PHF14: variants seen among roughly 807,000 people sequenced by gnomAD.
The protein encoded by PHF14 is PHD finger protein 14.
A neutral mutation model predicts 117.9 loss-of-function variants in PHF14; 55 were observed. That is an observed-to-expected ratio of 0.47 (90% confidence interval 0.38 to 0.58). The LOEUF is 0.58. Ranked by LOEUF, PHF14 falls within the 20% of genes least tolerant of loss-of-function variation. PHF14 has a pLI of 0.00. For missense variants in PHF14, 978 were observed against 1,122.2 expected (o/e 0.87, Z 1.84); for synonymous variants, 409 against 368.6 (o/e 1.11, Z -1.26).
intron 6 of PHF14, 88 bp from the exon 7 acceptor site, chr7:11,028,593 A>T: frequency 8.5e-7 from 1 of 1,179,394 alleles, no homozygotes; most frequent in Non-Finnish European, 1.2e-6. Context: ...TTAGCATTTT[A>T]AATATTTAGT....
intron 17 of PHF14, among the ~76,000 whole-genome samples, chr7:11,136,970 A>G (rs778413806): frequency 6.6e-6 from 1 of 152,222 alleles, no homozygotes; most frequent in African/African-American, 2.4e-5. Context: ...AATAACCACT[A>G]CTAACATTTC....
intron 17 of PHF14, among the ~76,000 whole-genome samples, chr7:11,161,627 A>G (rs1377226773): frequency 6.6e-6 from 1 of 150,802 alleles, no homozygotes; most frequent in Non-Finnish European, 1.5e-5. Flanking sequence ...ACATTTTTAA[A>G]TATTATTTTT....
intron 17 of PHF14, among the ~76,000 whole-genome samples, chr7:11,161,892 C>G (rs988106735): frequency 6.7e-6 from 1 of 150,292 alleles, no homozygotes; most frequent in Non-Finnish European, 1.5e-5. Flanking sequence ...CTAGCATACA[C>G]TTCATGCGTA....
At chr7:11,116,654 G>C (rs1393166832) in intron 17 of PHF14, among the ~76,000 whole-genome samples, 3 of 151,648 alleles carry the variant, frequency 2.0e-5, no homozygotes, top group African/African-American at 7.3e-5. Context: ...CTTGTCATTT[G>C]ATAACTTTTA....
rs1399901523 is a variant in PHF14, at chr7:11,042,806, C to T, written c.2304C>T (p.Asn768=). Residue 768 remains asparagine, a synonymous_variant, in exon 13 of 18, where the codon AAC becomes AAT. Transcript: ENST00000634607. ...PLTRMPRKTK[N]SYWQCSECDQ... ...CAAGGATGCCAAGAAAGACCAAAAA[C>T]AGTTATTGGTGAGTAAAATAGAGGA... 1.9e-6 allele frequency: 3 copies of T among 1,572,868 alleles called. No homozygotes were observed. In the East Asian group the frequency reaches 6.9e-5, roughly 36 times the overall value.
intron 13 of PHF14, among the ~76,000 whole-genome samples, chr7:11,043,529 A>T (rs1304103602): frequency 6.6e-6 from 1 of 152,110 alleles, no homozygotes; most frequent in East Asian, 1.9e-4. Flanking sequence ...CAAATTTTTA[A>T]ATGGTAATCT....
intron 16 of PHF14, among the ~76,000 whole-genome samples, chr7:11,069,615 C>G (rs1785540897): frequency 7.4e-6 from 1 of 135,576 alleles, no homozygotes; most frequent in African/African-American, 2.8e-5. Flanking sequence ...CCCTCCCTCC[C>G]TCCCTCCCTT....
chr7:11,075,100 G>A lies in PHF14; in HGVS notation c.2654+13015G>A, dbSNP rs560580512. ...CTACAGACACATGCCATCACACCTG[G>A]CTAATTTTTTGTATTTTTAGAAGAG... On this transcript the variant is annotated intron_variant, in intron 16 of 17. Coordinates refer to ENST00000634607, the MANE Select transcript of PHF14 (RefSeq NM_001007157.2). Among the ~76,000 whole-genome samples the A allele has an allele frequency of 2.6e-5, 4 of 152,004 alleles. 1 individual carries two copies. The South Asian group carries it at 8.3e-4, about 32-fold the overall frequency.
At chr7:11,156,821 A>C (rs6953496) in intron 17 of PHF14, among the ~76,000 whole-genome samples, 79,438 of 151,918 alleles carry the variant, frequency 0.52, 22,103 homozygotes, top group East Asian at 0.82. Context: ...AAAAGAAATT[A>C]ACTTTCTACA....
chr7:10,996,537 C>T (rs913650181), intron 4 of PHF14, among the ~76,000 whole-genome samples: 5 of 151,680 alleles, frequency 3.3e-5, no homozygotes, highest in African/African-American at 1.2e-4. Flanking sequence ...GGGAAATCAC[C>T]CTAATTCAAT....
intron 17 of PHF14, among the ~76,000 whole-genome samples, chr7:11,162,695 A>G (rs959247968): frequency 7.0e-6 from 1 of 143,366 alleles, no homozygotes; most frequent in Non-Finnish European, 1.5e-5. Flanking sequence ...TGGGAAATCC[A>G]AAGTCTTTTT....
intron 16 of PHF14, among the ~76,000 whole-genome samples, chr7:11,075,785 T>C (rs915554300): frequency 3.3e-5 from 5 of 152,012 alleles, no homozygotes; most frequent in African/African-American, 1.2e-4. Flanking sequence ...TATTAATATC[T>C]CCTTTGAATT....
intron 16 of PHF14, among the ~76,000 whole-genome samples, chr7:11,097,566 T>G (rs1343758300): frequency 6.6e-6 from 1 of 152,180 alleles, no homozygotes; most frequent in Admixed American, 6.5e-5. Flanking sequence ...TTCAAAAATT[T>G]ACCTGACTTT....
chr7:11,077,412 C>A (rs949454664), intron 16 of PHF14, among the ~76,000 whole-genome samples: 3 of 151,654 alleles, frequency 2.0e-5, no homozygotes, highest in African/African-American at 7.3e-5. Context: ...ACCATCCTGG[C>A]CAACGTGGTA....
At chr7:11,000,653 T>G (rs1782832719) in intron 4 of PHF14, among the ~76,000 whole-genome samples, 1 of 152,208 alleles carries the variant, frequency 6.6e-6, no homozygotes, top group African/African-American at 2.4e-5. Context: ...TTACCTTTTG[T>G]ATATCTTCTT....
intron 4 of PHF14, among the ~76,000 whole-genome samples, chr7:10,991,252 C>G (rs2128310441): frequency 6.6e-6 from 1 of 152,246 alleles, no homozygotes; most frequent in South Asian, 2.1e-4. Flanking sequence ...GCTATCTTAG[C>G]TCACTTCATC....
chr7:11,162,700 C>CTTT (rs5882294), intron 17 of PHF14, among the ~76,000 whole-genome samples: 2 of 127,952 alleles, frequency 1.6e-5, no homozygotes, highest in Non-Finnish European at 3.3e-5. Context: ...AATCCAAAGT[C>CTTT]TTTTTTTTTT....
At chr7:11,111,069 T>C (rs1274247758) in intron 16 of PHF14, 1 of 259,272 alleles carries the variant, frequency 3.9e-6, no homozygotes. Context: ...ATTATACATA[T>C]ACGTTCATTC....
At chr7:11,051,488 C>G in intron 13 of PHF14, 124 bp from the exon 14 acceptor site, 1 of 715,932 alleles carries the variant, frequency 1.4e-6, no homozygotes, top group Non-Finnish European at 2.2e-6. Flanking sequence ...ACCCTATAAT[C>G]ACATTACCTG....
Sources: allele counts gnomAD v4.1 joint callset (sites outside exome capture counted in the v4.1 genomes callset), GRCh38; gene constraint gnomAD v4.1.1; transcripts MANE v1.5; gene names NCBI Gene and HGNC (gene_info 2026-07-23, HGNC 2026-07-21).